Variants in C12orf42 observed in about 807,000 individuals in gnomAD.
C12orf42 encodes chromosome 12 open reading frame 42.
In C12orf42, 25 loss-of-function variants were observed where a neutral mutation model predicts 21.6. The observed-to-expected ratio is 1.16, with a 90% confidence interval of 0.84 to 1.62. The LOEUF is 1.62. Among genes scored for constraint, C12orf42 ranks in the 40% most tolerant of loss-of-function variants. The pLI is 0.00. For missense variants in C12orf42, 483 were observed against 459.3 expected, an observed-to-expected ratio of 1.05 and a Z score of -0.47; for synonymous variants, 174 against 175.0, an observed-to-expected ratio of 0.99 and a Z score of 0.05.
chr12:103,223,932 A>C, the C12orf42 span, among the ~76,000 whole-genome samples: 1 of 152,212 alleles, frequency 6.6e-6, no homozygotes, highest in African/African-American at 2.4e-5. Flanking sequence ...AAGACGGAGG[A>C]CCGTAAGGGA....
chr12:103,552,923 C>CT, the C12orf42 span, among the ~76,000 whole-genome samples: 3 of 151,570 alleles, frequency 2.0e-5, no homozygotes. Flanking sequence ...GGGGAAACTG[C>CT]CTTATAAAAC....
chr12:103,406,709 T>G (rs1437414843), intron 2 of C12orf42, among the ~76,000 whole-genome samples: 1 of 152,062 alleles, frequency 6.6e-6, no homozygotes, highest in African/African-American at 2.4e-5. Context: ...ATAAAGACTA[T>G]GAAAATGGAT....
At chr12:103,484,395 C>T (rs963085188) in intron 1 of C12orf42, among the ~76,000 whole-genome samples, 1 of 152,196 alleles carries the variant, frequency 6.6e-6, no homozygotes, top group Non-Finnish European at 1.5e-5. Context: ...TTTTGATTTG[C>T]ATTTCTCTGA....
intron 4 of C12orf42, among the ~76,000 whole-genome samples, chr12:103,350,055 T>C (rs2042978236): frequency 6.6e-6 from 1 of 152,108 alleles, no homozygotes; most frequent in Non-Finnish European, 1.5e-5. Flanking sequence ...TTTAGGAAGA[T>C]AAGATAATGA....
the C12orf42 span, among the ~76,000 whole-genome samples, chr12:103,209,608 G>A: frequency 2.0e-5 from 3 of 152,154 alleles, no homozygotes; most frequent in Non-Finnish European, 2.9e-5. Context: ...AACGGCCAGC[G>A]CTGAGACACA....
the C12orf42 span, among the ~76,000 whole-genome samples, chr12:103,188,556 A>G: frequency 6.6e-6 from 1 of 152,264 alleles, no homozygotes; most frequent in East Asian, 1.9e-4. Context: ...AGTGTTGGAG[A>G]AGGGCCTAGT....
At chr12:103,409,377 G>A (rs755593402) in intron 2 of C12orf42, among the ~76,000 whole-genome samples, 1 of 152,138 alleles carries the variant, frequency 6.6e-6, no homozygotes, top group Non-Finnish European at 1.5e-5. Context: ...TATCCCTGCT[G>A]GTAAGATGGG....
downstream of C12orf42, among the ~76,000 whole-genome samples, chr12:103,296,977 GT>G (rs1566028627): frequency 6.6e-6 from 1 of 152,144 alleles, no homozygotes; most frequent in Non-Finnish European, 1.5e-5. Flanking sequence ...TTCTTCTAGG[GT>G]TTTTATGGTT....
chr12:103,514,264 A>T, the C12orf42 span, among the ~76,000 whole-genome samples: 50 of 152,092 alleles, frequency 3.3e-4, no homozygotes, highest in Non-Finnish European at 3.5e-4. Context: ...ACATGTGGGG[A>T]TTATGGGAAC....
At chr12:103,128,483 TA>T in the C12orf42 span, among the ~76,000 whole-genome samples, 5 of 152,294 alleles carry the variant, frequency 3.3e-5, no homozygotes, top group East Asian at 9.7e-4. Flanking sequence ...ATTTTATTTT[TA>T]TTTATTTTTG....
chr12:103,225,755 G>A, the C12orf42 span, among the ~76,000 whole-genome samples: 2 of 152,178 alleles, frequency 1.3e-5, no homozygotes, highest in Non-Finnish European at 2.9e-5. Flanking sequence ...TTAGAAGCCT[G>A]ACCATCAATA....
At position 103,353,307 on chromosome 12, in the gene C12orf42, G is replaced by T. The variant is rs371133609; in HGVS notation, c.259+15580C>A. On this transcript the variant is annotated intron_variant, in intron 4 of 5. Coordinates refer to ENST00000548883, the MANE Select transcript of C12orf42 (RefSeq NM_198521.5). ...ACTGGATTAAAAAAAAAAAGAGGGG[G>T]TGGGGGGCAAGTACAAAGACTTGAA... 3.3e-3 allele frequency among the ~76,000 whole-genome samples: 494 copies of T among 151,754 alleles called. 3 individuals carry two copies. The highest frequency in any genetic ancestry group is 0.011 in the African/African-American group (468 of 41,402).
At chr12:103,173,409 T>C in the C12orf42 span, among the ~76,000 whole-genome samples, 14 of 152,174 alleles carry the variant, frequency 9.2e-5, no homozygotes, top group South Asian at 2.9e-3. Context: ...CACTTTCATG[T>C]CTTAAAGAAA....
At chr12:103,167,378 T>TC in the C12orf42 span, among the ~76,000 whole-genome samples, 1 of 152,122 alleles carries the variant, frequency 6.6e-6, no homozygotes, top group African/African-American at 2.4e-5. Flanking sequence ...CAATTTTGTG[T>TC]CCCCCCAAAT....
At chr12:103,370,876 A>G (rs2045155415) in intron 3 of C12orf42, among the ~76,000 whole-genome samples, 1 of 152,122 alleles carries the variant, frequency 6.6e-6, no homozygotes, top group South Asian at 2.1e-4. Context: ...CTCCTGAACT[A>G]AAATAAAAGT....
chr12:103,556,137 G>A, the C12orf42 span, among the ~76,000 whole-genome samples: 4 of 152,090 alleles, frequency 2.6e-5, no homozygotes, highest in African/African-American at 4.8e-5. Flanking sequence ...CACAAGCTTT[G>A]GAGTCACCCA....
intron 4 of C12orf42, among the ~76,000 whole-genome samples, chr12:103,350,708 G>T (rs2043034469): frequency 6.6e-6 from 1 of 152,034 alleles, no homozygotes; most frequent in Non-Finnish European, 1.5e-5. Context: ...CTACTCTTCT[G>T]CAGGAACCTC....
At chr12:103,265,332 T>C (rs1206605379), downstream of C12orf42, among the ~76,000 whole-genome samples, 1 of 152,196 alleles carries the variant, frequency 6.6e-6, no homozygotes, top group African/African-American at 2.4e-5. Context: ...GTCTTCTATA[T>C]GCTGCGTACT....
chr12:103,240,773 C>T (rs2033698237), intron 10 of C12orf42, among the ~76,000 whole-genome samples: 1 of 152,172 alleles, frequency 6.6e-6, no homozygotes, highest in African/African-American at 2.4e-5. Context: ...GAGCACTTTA[C>T]ATTGCATTAA....
Sources: allele counts gnomAD v4.1 joint callset (sites outside exome capture counted in the v4.1 genomes callset), GRCh38; gene constraint gnomAD v4.1.1; transcripts MANE v1.5; gene names NCBI Gene and HGNC (gene_info 2026-07-23, HGNC 2026-07-21).